The following DOP1B variants were observed in gnomAD, a reference collection of about 807,000 sequenced individuals.
DOP1B encodes DOP1 leucine zipper like protein B, also known as protein DOP1B.
In DOP1B, 174 loss-of-function variants were observed where a neutral mutation model predicts 233.5. That is an observed-to-expected ratio of 0.75 (90% CI 0.66 to 0.85). The LOEUF is 0.85. Among genes scored for constraint, DOP1B ranks in the 40% least tolerant of loss-of-function variants. The pLI is 0.00. For missense variants in DOP1B, 2,652 were observed against 2,846.6 expected, an observed-to-expected ratio of 0.93 and a Z score of 1.56; for synonymous variants, 1,190 against 1,185.6, an observed-to-expected ratio of 1.00 and a Z score of -0.08.
intron 22 of DOP1B, among the ~76,000 whole-genome samples, chr21:36,252,885 C>G (rs1185275495): frequency 6.6e-6 from 1 of 152,206 alleles, no homozygotes; most frequent in Non-Finnish European, 1.5e-5. Flanking sequence ...TTACCTTTTT[C>G]AACCTCAATC....
Position 36,248,475 on chromosome 21 carries a change from G to T in DOP1B, c.4905G>T (p.Trp1635Cys), listed in dbSNP as rs1029236051. 7 of 1,614,042 alleles carry T rather than the reference G, an allele frequency of 4.3e-6. No individual in the cohort carries two copies. Among genetic ancestry groups the T allele is most frequent in the Non-Finnish European group, 5.9e-6 (7 of 1,180,018 alleles). ...CTGTTAACACCATGGCCCTTCTCTG[G>T]AATGTTCTCAGAAAGGAGGAGACTC... Reference protein sequence around the residue: ...PRTVNTMALLWNVLRKEETQK... With the variant: ...PRTVNTMALLCNVLRKEETQK... The change falls in exon 21 of 37, where the codon TGG (tryptophan) becomes TGT (cysteine). Residue 1635 changes from tryptophan to cysteine, a missense_variant. Physicochemically the swap from Trp to Cys is radical, Grantham distance 215. Coordinates refer to ENST00000691173, the MANE Select transcript of DOP1B (RefSeq NM_001320714.2).
At chr21:36,250,654 C>T (rs1569051375) in intron 21 of DOP1B, among the ~76,000 whole-genome samples, 2 of 152,150 alleles carry the variant, frequency 1.3e-5, no homozygotes, top group Non-Finnish European at 2.9e-5. Flanking sequence ...GACCATGTTA[C>T]AGGTTTAAAT....
rs1367363862 is a variant in DOP1B, at chr21:36,212,110, A to G, written c.904+13A>G. 1 of 1,553,604 alleles carries G rather than the reference A, an allele frequency of 6.4e-7. No individual in the cohort carries two copies. The highest frequency in any genetic ancestry group is 8.7e-7 in the Non-Finnish European group (1 of 1,151,990). ...GCATGGTTACTAGGTACTGAGCAGT[A>G]TACACCCTTTTAAAGTCAAAGTTAA... On this transcript the variant is annotated intron_variant, in intron 7 of 36. Transcript: ENST00000691173.
At chr21:36,273,636 C>G (rs1281814786) in intron 27 of DOP1B, among the ~76,000 whole-genome samples, 1 of 151,996 alleles carries the variant, frequency 6.6e-6, no homozygotes, top group Non-Finnish European at 1.5e-5. Context: ...GGCACTGCCC[C>G]GAGGGGATTG....
chr21:36,276,840 C>CAAAA (rs57389991), intron 27 of DOP1B, among the ~76,000 whole-genome samples, 181 bp from the exon 28 acceptor site: 1 of 106,254 alleles, frequency 9.4e-6, no homozygotes, highest in Non-Finnish European at 1.9e-5. Context: ...GACTCCATCT[C>CAAAA]AAAAAAAAAA....
chr21:36,193,705 AAGGGC>A (rs1265908071), intron 2 of DOP1B, among the ~76,000 whole-genome samples: 1 of 152,070 alleles, frequency 6.6e-6, no homozygotes, highest in Non-Finnish European at 1.5e-5. Context: ...AGTGAGACTG[AAGGGC>A]ATCACGGAAA....
At chr21:36,160,565 C>T (rs1287894609) in intron 1 of DOP1B, among the ~76,000 whole-genome samples, 1 of 150,900 alleles carries the variant, frequency 6.6e-6, no homozygotes, top group African/African-American at 2.4e-5. Flanking sequence ...GTAACTTCCA[C>T]CTCCCAGGTT....
chr21:36,293,709 G>GTGAGCCACCGCACCTAGC lies in DOP1B; in HGVS notation c.*138_*139insTGAGCCACCGCACCTAGC. 1 of 1,010,120 alleles carries GTGAGCCACCGCACCTAGC rather than the reference G, an allele frequency of 9.9e-7. No individual in the cohort carries two copies. Among genetic ancestry groups the GTGAGCCACCGCACCTAGC allele is most frequent in the Non-Finnish European group, 1.5e-6 (1 of 689,360 alleles). The allele number at this position is 1,010,120 out of a possible 1,614,324, so 62.6% of individuals were successfully genotyped here. Reference sequence around the variant, plus strand: ...TTTGAAAGTAGATTTCAGGCTAGGTGCGGTGGCTCACACCTGTAATCTCAG... The same window carrying GTGAGCCACCGCACCTAGC: ...TTTGAAAGTAGATTTCAGGCTAGGTGTGAGCCACCGCACCTAGCCGGTGGCTCACACCTGTAATCTCAG... On this transcript the variant is annotated 3_prime_UTR_variant, in exon 37 of 37. Coordinates refer to ENST00000691173, the MANE Select transcript of DOP1B (RefSeq NM_001320714.2).
At chr21:36,169,624 G>A (rs549222118) in intron 2 of DOP1B, 23 of 932,498 alleles carry the variant, frequency 2.5e-5, no homozygotes, top group Middle Eastern at 3.2e-4. Flanking sequence ...TGGTGCCTCC[G>A]TTCACTTGGA....
chr21:36,267,606 G>A (rs529870510), intron 26 of DOP1B, among the ~76,000 whole-genome samples: 1 of 147,650 alleles, frequency 6.8e-6, no homozygotes, highest in South Asian at 2.2e-4. Context: ...GAGCCCAGGA[G>A]GTCGAGGCTG....
intron 32 of DOP1B, 69 bp downstream of exon 32, chr21:36,281,680 A>T (rs2067418665): frequency 7.4e-7 from 1 of 1,358,080 alleles, no homozygotes; most frequent in Admixed American, 2.7e-5. Context: ...AATTTATAAA[A>T]ACAGAAATTT....
At chr21:36,214,025 A>T (rs1316160898) in intron 7 of DOP1B, 56 bp from the exon 8 acceptor site, 8 of 1,385,796 alleles carry the variant, frequency 5.8e-6, no homozygotes, top group Non-Finnish European at 8.0e-6. Context: ...TTTGCACAAT[A>T]TGATGTCCTT....
At chr21:36,206,529 C>CAAA (rs71232580) in intron 4 of DOP1B, among the ~76,000 whole-genome samples, 31 of 127,290 alleles carry the variant, frequency 2.4e-4, no homozygotes, top group South Asian at 5.1e-4. Context: ...CACCCTGCCT[C>CAAA]AAAAAAAAAA....
chr21:36,226,455 G>A lies in DOP1B; in HGVS notation c.1473+788G>A, dbSNP rs543389329. On this transcript the variant is annotated intron_variant, in intron 12 of 36. Transcript: ENST00000691173. ...TGGGATTACAGGCACCTGCCACTAC[G>A]CCCAGCTAATTTTTTGTATTTTTAG... is the stretch of plus-strand genomic sequence containing the variant. 1.1e-3 allele frequency among the ~76,000 whole-genome samples: 164 copies of A among 151,966 alleles called. 1 individual carries two copies. The highest frequency in any genetic ancestry group is 3.6e-3 in the African/African-American group (149 of 41,458).
At chr21:36,230,350 ATT>A in intron 13 of DOP1B, 98 bp from the exon 14 acceptor site, 1 of 1,381,840 alleles carries the variant, frequency 7.2e-7, no homozygotes, top group Non-Finnish European at 9.7e-7. Context: ...GAGAGTGATG[ATT>A]TTGAAAAACA....
chr21:36,212,325 T>A (rs1457849156), intron 7 of DOP1B, among the ~76,000 whole-genome samples: 2 of 152,214 alleles, frequency 1.3e-5, no homozygotes, highest in Non-Finnish European at 1.5e-5. Context: ...GTGGGATTTT[T>A]AAAATGCCAA....
At position 36,292,102 on chromosome 21, in the gene DOP1B, A is replaced by C. The variant is rs766886980; in HGVS notation, c.6516-2A>C. ...ACCTGACCTTCTGTTTGTTCCCTGCAGTTATAGGTGGGCATTTATTCCAGA... is the reference window on the plus strand; with the variant it reads ...ACCTGACCTTCTGTTTGTTCCCTGCCGTTATAGGTGGGCATTTATTCCAGA... On this transcript the variant is annotated splice_acceptor_variant, in intron 35 of 36. Transcript: ENST00000691173. LOFTEE classifies it high-confidence loss of function. 2 of 1,592,288 alleles carry C rather than the reference A, an allele frequency of 1.3e-6. No individual in the cohort carries two copies. The highest frequency in any genetic ancestry group is 3.8e-5 in the Admixed American group (2 of 53,132).
chr21:36,192,469 T>C (rs1207028071), intron 2 of DOP1B, among the ~76,000 whole-genome samples: 1 of 149,330 alleles, frequency 6.7e-6, no homozygotes, highest in South Asian at 2.1e-4. Context: ...AGCCTCAACC[T>C]CCTGGGCTCT....
chr21:36,269,428 TATAG>T (rs2067262781), intron 26 of DOP1B, among the ~76,000 whole-genome samples: 1 of 152,144 alleles, frequency 6.6e-6, no homozygotes, highest in Non-Finnish European at 1.5e-5. Flanking sequence ...ATGCTGAGAT[TATAG>T]GCATGAGCCA....
Sources: gnomAD v4.1 joint callset for allele counts (sites outside exome capture counted in the v4.1 genomes callset) on GRCh38, gnomAD v4.1.1 for gene constraint, MANE v1.5 for transcripts, NCBI Gene and HGNC (gene_info 2026-07-23, HGNC 2026-07-21) for gene names.